CALR3: variants seen among roughly 807,000 people sequenced by gnomAD.
The protein encoded by CALR3 is calreticulin 3.
Under a neutral mutation model 48.7 loss-of-function variants are expected in CALR3, and 39 were observed. That is an observed-to-expected ratio of 0.80 (90% CI 0.62 to 1.05). The LOEUF (loss-of-function observed/expected upper bound fraction) is 1.05. CALR3 is among the 50% of genes least tolerant of loss of function. CALR3 has a pLI of 0.00. For missense variants in CALR3, 449 were observed against 474.7 expected, an observed-to-expected ratio of 0.95 and a Z score of 0.50; for synonymous variants, 185 against 172.7, an observed-to-expected ratio of 1.07 and a Z score of -0.56.
At position 16,482,727 on chromosome 19, in the gene CALR3, T is replaced by C; in HGVS notation, c.737A>G (p.Asp246Gly). The C allele has an allele frequency of 6.2e-7, 1 of 1,613,972 alleles. No individual in the cohort carries two copies. Among genetic ancestry groups the C allele is most frequent in the Non-Finnish European group, 8.5e-7 (1 of 1,179,962 alleles). ...STSKQSDWNG[D>G]LDGDWPAPML... ...CGGCGCTGGCCAGTCCCCATCCAGGTCACCGTTCCAGTCGCTCTGCTTGCT... is the reference window on the plus strand; with the variant it reads ...CGGCGCTGGCCAGTCCCCATCCAGGCCACCGTTCCAGTCGCTCTGCTTGCT... The change falls in exon 6 of 9, where the codon GAC becomes GGC. Residue 246 changes from aspartate to glycine, a missense_variant. Asp to Gly is a moderately conservative substitution (Grantham distance 94). Transcript: ENST00000269881.
chr19:16,489,491 TGCCGGTAATCCCA>T (rs1286193080), intron 3 of CALR3, among the ~76,000 whole-genome samples: 1 of 152,026 alleles, frequency 6.6e-6, no homozygotes, highest in Non-Finnish European at 1.5e-5. Flanking sequence ...TGGTGGTGCA[TGCCGGTAATCCCA>T]GCTACTTGGG....
intron 2 of CALR3, among the ~76,000 whole-genome samples, chr19:16,493,320 C>T (rs2093400802): frequency 6.6e-6 from 1 of 152,160 alleles, no homozygotes; most frequent in African/African-American, 2.4e-5. Flanking sequence ...AATATACCTT[C>T]TCAAAAGAAA....
chr19:16,481,333 T>C (rs986160476), intron 7 of CALR3, among the ~76,000 whole-genome samples: 5 of 152,128 alleles, frequency 3.3e-5, no homozygotes, highest in African/African-American at 1.2e-4. Flanking sequence ...GTGTATACTA[T>C]AACAGCAATT....
chr19:16,491,646 A>G (rs35786504), intron 2 of CALR3, among the ~76,000 whole-genome samples: 98,994 of 148,016 alleles, frequency 0.67, 33,355 homozygotes, highest in South Asian at 0.75. Flanking sequence ...GTGTGGTGGC[A>G]TGTGCCTGTA....
rs553152897 is a variant in CALR3, at chr19:16,480,790, T to C, written c.919-84A>G. The C allele has an allele frequency of 6.3e-5, 65 of 1,039,360 alleles. No individual in the cohort carries two copies. The South Asian group carries it at 8.9e-4, about 14-fold the overall frequency. 64.4% of individuals were successfully genotyped at this position (1,039,360 alleles called of 1,614,324 possible). On this transcript the variant is annotated intron_variant, in intron 7 of 8. Coordinates refer to ENST00000269881, the MANE Select transcript of CALR3 (RefSeq NM_145046.5). ...TTTCATTTCTTTTTTCCTTTGGAAA[T>C]ACATGAAGCTCAGGTGACATTTTTT... is the stretch of plus-strand genomic sequence containing the variant.
chr19:16,479,322 G>A lies in CALR3; in HGVS notation c.1012-48C>T, dbSNP rs191961944. On this transcript the variant is annotated intron_variant, in intron 8 of 8. Coordinates refer to ENST00000269881, the MANE Select transcript of CALR3 (RefSeq NM_145046.5). ...TAAGCCCCACCGGGTGCGATGGCTC[G>A]TGCCTGTAATCCCAGCACTTTGGGA... is the stretch of plus-strand genomic sequence containing the variant. 51 of 1,609,246 alleles carry A rather than the reference G, an allele frequency of 3.2e-5. No individual in the cohort carries two copies. The Middle Eastern group carries it at 8.3e-4, about 26-fold the overall frequency.
Position 16,480,688 on chromosome 19 carries a change from A to AAATGGTTCCAGATCTCAC in CALR3, c.919_936dup (p.Val307_Ile312dup). The AAATGGTTCCAGATCTCAC allele has an allele frequency of 6.2e-7, 1 of 1,613,624 alleles. No individual in the cohort carries two copies. The highest frequency in any genetic ancestry group is 8.5e-7 in the Non-Finnish European group (1 of 1,179,538). ...TCATCTGTGATCAGAAAGTTATCAA[A>AAATGGTTCCAGATCTCAC]AATGGTTCCAGATCTCACCTGCAGA... is the stretch of plus-strand genomic sequence containing the variant. On this transcript the variant is annotated inframe_insertion, in exon 8 of 9. Transcript: ENST00000269881.
intron 2 of CALR3, among the ~76,000 whole-genome samples, chr19:16,492,276 G>A (rs539390855): frequency 6.6e-6 from 1 of 152,074 alleles, no homozygotes; most frequent in African/African-American, 2.4e-5. Context: ...GGCCAACGTG[G>A]GGAAACTCCA....
At chr19:16,486,725 T>C (rs2093389705) in intron 3 of CALR3, among the ~76,000 whole-genome samples, 1 of 152,100 alleles carries the variant, frequency 6.6e-6, no homozygotes, top group African/African-American at 2.4e-5. Flanking sequence ...GCATAACTTA[T>C]GCATAGGAAT....
chr19:16,487,976 G>A (rs2122138721), intron 3 of CALR3, among the ~76,000 whole-genome samples: 1 of 152,172 alleles, frequency 6.6e-6, no homozygotes, highest in African/African-American at 2.4e-5. Context: ...ACCACACCTG[G>A]CTAATTTTTT....
At chr19:16,480,520 A>G in intron 8 of CALR3, 94 bp downstream of exon 8, 1 of 819,902 alleles carries the variant, frequency 1.2e-6, no homozygotes, top group East Asian at 2.6e-5. Flanking sequence ...CCACTACATT[A>G]CAGCCTGGGT....
chr19:16,486,501 T>G (rs1329730446), intron 3 of CALR3, among the ~76,000 whole-genome samples: 1 of 150,338 alleles, frequency 6.7e-6, no homozygotes, highest in African/African-American at 2.5e-5. Context: ...ACGCCTGTAA[T>G]CCCAGCTATT....
At chr19:16,485,816 G>A (rs1401232664) in intron 3 of CALR3, among the ~76,000 whole-genome samples, 1 of 141,618 alleles carries the variant, frequency 7.1e-6, no homozygotes, top group Non-Finnish European at 1.5e-5. Context: ...GTACCACCAG[G>A]CCCAGCTAAT....
intron 3 of CALR3, among the ~76,000 whole-genome samples, chr19:16,488,055 T>G (rs10469466): frequency 6.6e-6 from 1 of 151,810 alleles, no homozygotes; most frequent in African/African-American, 2.4e-5. Flanking sequence ...CCTCGTGATC[T>G]GCCCACCTCG....
chr19:16,492,167 C>G (rs2093399051), intron 2 of CALR3, among the ~76,000 whole-genome samples: 1 of 152,044 alleles, frequency 6.6e-6, no homozygotes, highest in Non-Finnish European at 1.5e-5. Context: ...CAATTTAAAG[C>G]CTTGAGAGGC....
chr19:16,496,154 C>T lies in CALR3; in HGVS notation c.-25G>A, dbSNP rs2093408271. The T allele has an allele frequency of 4.5e-6, 7 of 1,561,164 alleles. No individual in the cohort carries two copies. The highest frequency in any genetic ancestry group is 1.9e-5 in the Admixed American group (1 of 53,562). On this transcript the variant is annotated 5_prime_UTR_variant, in exon 1 of 9. Transcript: ENST00000269881. ...TGGGGGTGTGCACTGCGCTTCCGGT[C>T]GCCGCCACCCCTTAGCTCCCAGCTC...
Position 16,491,675 on chromosome 19 carries a change from A to G in CALR3, c.194-1105T>C, listed in dbSNP as rs527887149. ...GCCTGTAGTCCCAGCTACTCAGGAGAGTGAGGCAGAAGAATCGCTTAAACC... is the reference window on the plus strand; with the variant it reads ...GCCTGTAGTCCCAGCTACTCAGGAGGGTGAGGCAGAAGAATCGCTTAAACC... On this transcript the variant is annotated intron_variant, in intron 2 of 8. Transcript: ENST00000269881. 4.0e-3 allele frequency among the ~76,000 whole-genome samples: 597 copies of G among 149,402 alleles called. 1 individual carries two copies. Among genetic ancestry groups the G allele is most frequent in the Non-Finnish European group, 6.1e-3 (409 of 67,240 alleles).
rs1267486642 is a variant in CALR3 at position 16,482,588 on chromosome 19, C to CA, written c.787-8dup. The CA allele has an allele frequency of 2.1e-5, 34 of 1,612,516 alleles. No individual in the cohort carries two copies. Among genetic ancestry groups the CA allele is most frequent in the Non-Finnish European group, 2.5e-5 (29 of 1,179,580 alleles). ...CTTCTGGTTTCAGGCCATCCTGTAT[C>CA]AAAAAAACCATATGGGGTGGTCTCA... On this transcript the variant is annotated splice_region_variant and splice_polypyrimidine_tract_variant and intron_variant, in intron 6 of 8. Transcript: ENST00000269881.
Position 16,490,456 on chromosome 19 carries a change from ATC to A in CALR3, c.306_307del (p.Lys102AsnfsTer9), listed in dbSNP as rs2093396080. 1 of 1,614,142 alleles carries A rather than the reference ATC, an allele frequency of 6.2e-7. No individual in the cohort carries two copies. Among genetic ancestry groups the A allele is most frequent in the African/African-American group, 1.3e-5 (1 of 75,038 alleles). On this transcript the variant is annotated frameshift_variant, in exon 3 of 9. Transcript: ENST00000269881. LOFTEE classifies it high-confidence loss of function. ...CTTAATGTAGCCCCCTCCACAGTCC[ATC>A]TTCTGCTCATGTTTTACTGTGTACT...
Sources: allele counts gnomAD v4.1 joint callset (sites outside exome capture counted in the v4.1 genomes callset), GRCh38; gene constraint gnomAD v4.1.1; transcripts MANE v1.5; gene names NCBI Gene and HGNC (gene_info 2026-07-23, HGNC 2026-07-21).